The following FRMPD4 variants were observed in gnomAD, a reference collection of about 807,000 sequenced individuals.
FRMPD4 encodes the protein FERM and PDZ domain containing 4.
Under a neutral mutation model 94.1 loss-of-function variants are expected in FRMPD4, and 22 were observed. The ratio of observed to expected loss-of-function variants is 0.23; its 90% CI spans 0.17 to 0.33. FRMPD4 has a LOEUF of 0.33. Among genes scored for constraint, FRMPD4 ranks in the 10% least tolerant of loss-of-function variants. FRMPD4 has a pLI of 1.00. For missense variants in FRMPD4, 1,111 were observed against 1,339.9 expected, an observed-to-expected ratio of 0.83 and a Z score of 2.67; for synonymous variants, 631 against 548.6, an observed-to-expected ratio of 1.15 and a Z score of -2.10.
rs2147189616 is a variant in FRMPD4, at chrX:12,722,846, T to G, written c.*988T>G. On this transcript the variant is annotated 3_prime_UTR_variant, in exon 17 of 17. Transcript: ENST00000675598. ...ATGATCATCAAAATTAAGTACAGAT[T>G]CAGTAATGTAGACCAGACCACACAC... is the stretch of plus-strand genomic sequence containing the variant. The G allele has an allele frequency of 9.0e-6, 1 of 111,388 alleles. No homozygotes were observed. Among genetic ancestry groups the G allele is most frequent in the South Asian group, 3.8e-4 (1 of 2,623 alleles). The allele number at this position is 111,388 out of a possible 1,213,427, so 9.2% of individuals were successfully genotyped here.
At chrX:12,152,227 A>C (rs1433973424) in intron 1 of FRMPD4, among the ~76,000 whole-genome samples, 1 of 112,030 alleles carries the variant, frequency 8.9e-6, no homozygotes, top group Non-Finnish European at 1.9e-5. Flanking sequence ...CAACAATTCC[A>C]TTGTTTTACC....
At chrX:12,243,366 A>C (rs965056824) in intron 1 of FRMPD4, among the ~76,000 whole-genome samples, 1 of 112,571 alleles carries the variant, frequency 8.9e-6, no homozygotes, top group Admixed American at 9.4e-5. Context: ...CAAGCACAGG[A>C]TGTGTTCCAA....
In FRMPD4 at chrX:12,414,240, T is replaced by C. The variant is rs990323842; in HGVS notation, c.42-84440T>C. ...ATCCACACAACACACTATGGTTCAT[T>C]AACAGATTCCTATCAGTGTAACTTT... On this transcript the variant is annotated intron_variant, in intron 1 of 16. Coordinates refer to ENST00000675598, the MANE Select transcript of FRMPD4 (RefSeq NM_001368397.1). Among the ~76,000 whole-genome samples the C allele has an allele frequency of 3.6e-5, 4 of 112,599 alleles. No individual in the cohort carries two copies. In the Admixed American group the frequency reaches 3.8e-4, roughly 11 times the overall value.
chrX:12,638,416 T>C (rs771761752), intron 4 of FRMPD4, among the ~76,000 whole-genome samples: 1 of 111,411 alleles, frequency 9.0e-6, no homozygotes, highest in South Asian at 3.9e-4. Context: ...TTTTTTCTTT[T>C]TTAGAGATAG....
chrX:12,412,047 C>T (rs936825350), intron 1 of FRMPD4, among the ~76,000 whole-genome samples: 19 of 112,106 alleles, frequency 1.7e-4, no homozygotes, highest in African/African-American at 5.8e-4. Flanking sequence ...TCCTGTGCAG[C>T]CTGATTCACA....
intron 1 of FRMPD4, among the ~76,000 whole-genome samples, chrX:12,156,688 G>A (rs1003278801): frequency 1.8e-5 from 2 of 110,782 alleles, no homozygotes; most frequent in African/African-American, 6.7e-5. Flanking sequence ...GTGATTGAAA[G>A]TAAGTTTATA....
At chrX:12,713,943 T>G (rs573066893) in intron 14 of FRMPD4, among the ~76,000 whole-genome samples, 24 of 111,831 alleles carry the variant, frequency 2.1e-4, no homozygotes, top group Middle Eastern at 4.6e-3. Flanking sequence ...TTCAAGCACT[T>G]TCAAAATCCC....
chrX:12,195,233 C>A (rs1250599165), intron 1 of FRMPD4, among the ~76,000 whole-genome samples: 1 of 111,914 alleles, frequency 8.9e-6, no homozygotes, highest in Non-Finnish European at 1.9e-5. Flanking sequence ...TGTTTAAGTA[C>A]CAATCCAAAT....
Position 12,251,676 on chromosome X carries a change from ACC to A in FRMPD4, c.41+112666_41+112667del, listed in dbSNP as rs1250436531. 2.2e-4 allele frequency among the ~76,000 whole-genome samples: 24 copies of A among 111,294 alleles called. No individual in the cohort carries two copies. The South Asian group carries it at 2.7e-3, about 12-fold the overall frequency. Reference sequence around the variant, plus strand: ...TGCCTTTATGATTTCTTGCACACAAACCCTCCTTTCAGTGTCTGCTTCTAGAG... The same window carrying A: ...TGCCTTTATGATTTCTTGCACACAAACTCCTTTCAGTGTCTGCTTCTAGAG... On this transcript the variant is annotated intron_variant, in intron 1 of 16. Coordinates refer to ENST00000675598, the MANE Select transcript of FRMPD4 (RefSeq NM_001368397.1).
At chrX:12,108,452 C>T (rs1009558739) in intron 3 of FRMPD4, among the ~76,000 whole-genome samples, 2 of 112,224 alleles carry the variant, frequency 1.8e-5, no homozygotes, top group Non-Finnish European at 3.8e-5. Flanking sequence ...ACAACCAGTA[C>T]CAGCCACTGC....
At chrX:12,397,726 A>G (rs915163814) in intron 1 of FRMPD4, among the ~76,000 whole-genome samples, 1 of 111,156 alleles carries the variant, frequency 9.0e-6, no homozygotes, top group Admixed American at 9.6e-5. Flanking sequence ...CTCCATGGTC[A>G]TTCTGCAGTG....
chrX:12,647,083 C>A (rs2059554834), intron 4 of FRMPD4, among the ~76,000 whole-genome samples: 2 of 111,697 alleles, frequency 1.8e-5, no homozygotes, highest in East Asian at 5.6e-4. Flanking sequence ...AAATGTGAGG[C>A]CTCAGGACAC....
chrX:12,605,897 G>A (rs1387364491), intron 2 of FRMPD4, among the ~76,000 whole-genome samples: 1 of 111,632 alleles, frequency 9.0e-6, no homozygotes, highest in Non-Finnish European at 1.9e-5. Context: ...TTACTAATGT[G>A]TTAGTTTCTT....
chrX:12,124,868 C>T (rs560485674), intron 3 of FRMPD4, among the ~76,000 whole-genome samples: 2 of 111,595 alleles, frequency 1.8e-5, no homozygotes, highest in South Asian at 7.6e-4. Flanking sequence ...GTAACAAATG[C>T]TCAATATATA....
intron 3 of FRMPD4, among the ~76,000 whole-genome samples, chrX:12,008,255 T>A (rs1569141617): frequency 8.9e-6 from 1 of 111,814 alleles, no homozygotes; most frequent in Non-Finnish European, 1.9e-5. Flanking sequence ...GCAGAGAGGA[T>A]ACTTGGCCAG....
intron 3 of FRMPD4, among the ~76,000 whole-genome samples, chrX:12,096,196 A>G (rs2055199554): frequency 8.9e-6 from 1 of 111,973 alleles, no homozygotes; most frequent in Admixed American, 9.5e-5. Flanking sequence ...TATCATCTGA[A>G]CCCTATATTT....
Position 12,609,734 on chromosome X carries a change from G to A in FRMPD4, c.172G>A (p.Ala58Thr), listed in dbSNP as rs1602203714. Residue 58 changes from alanine to threonine, a missense_variant, in exon 3 of 17, where the codon GCA becomes ACA. By Grantham distance (58) the Ala-to-Thr change is moderately conservative. Transcript: ENST00000675598. ...RDYFINHMTQAIPFDDPRLES... is the reference protein window; with the variant it reads ...RDYFINHMTQTIPFDDPRLES... The stretch of plus-strand genomic sequence containing the variant: ...CTTTCTCCACAGTCACATGACACAG[G>A]CAATCCCTTTTGACGACCCTCGGTT... 1 of 1,208,175 alleles carries A rather than the reference G, an allele frequency of 8.3e-7. No individual in the cohort carries two copies. The highest frequency in any genetic ancestry group is 1.1e-6 in the Non-Finnish European group (1 of 892,021).
At chrX:12,305,735 T>TTTTTTTTTTTG (rs1569225510) in intron 1 of FRMPD4, among the ~76,000 whole-genome samples, 1 of 90,724 alleles carries the variant, frequency 1.1e-5, no homozygotes, top group African/African-American at 4.7e-5. Context: ...GTTTTTTTTT[T>TTTTTTTTTTTG]TTTTTTTTTT....
Position 12,208,935 on chromosome X carries a change from G to A in FRMPD4, c.41+69923G>A, listed in dbSNP as rs551915916. On this transcript the variant is annotated intron_variant, in intron 1 of 16. Transcript: ENST00000675598. ...AACAATTATAAATTATTCTGGTAGG[G>A]TGGTTTTCCTTATTTAGAATCAGCT... Among the ~76,000 whole-genome samples the A allele has an allele frequency of 7.7e-4, 86 of 111,951 alleles. 2 individuals are homozygous for A. In the South Asian group the frequency reaches 0.03, roughly 39 times the overall value.
Sources: gnomAD v4.1 joint callset for allele counts (sites outside exome capture counted in the v4.1 genomes callset) on GRCh38, gnomAD v4.1.1 for gene constraint, MANE v1.5 for transcripts, NCBI Gene and HGNC (gene_info 2026-07-23, HGNC 2026-07-21) for gene names.